The following OLFML1 variants were observed in gnomAD, a reference collection of about 807,000 sequenced individuals.
The protein encoded by OLFML1 is olfactomedin-like protein 1.
Under a neutral mutation model 37.3 loss-of-function variants are expected in OLFML1, and 33 were observed. The ratio of observed to expected loss-of-function variants is 0.88; its 90% CI spans 0.67 to 1.18. OLFML1 has a LOEUF of 1.18. Ranked by LOEUF, OLFML1 falls within the 50% of genes most tolerant of loss-of-function variation. The pLI, the probability that OLFML1 is intolerant of heterozygous loss-of-function variation, is 0.00. For missense variants in OLFML1, 545 were observed against 483.7 expected (o/e 1.13, Z -1.19); for synonymous variants, 186 against 181.3 (o/e 1.03, Z -0.21).
At chr11:7,495,383 G>A (rs190623414) in intron 2 of OLFML1, among the ~76,000 whole-genome samples, 58 of 151,964 alleles carry the variant, frequency 3.8e-4, no homozygotes, top group Admixed American at 2.3e-3. Context: ...CCTGACCCCC[G>A]CCAGCCTAGC....
Position 7,510,147 on chromosome 11 carries a change from A to C in OLFML1, c.1168A>C (p.Ile390Leu). Reference sequence around the variant, plus strand: ...TGCCTGGAATGAAGGAAACCAGATCATTTACAAACTCCAGACAAAGAGAAA... The same window carrying C: ...TGCCTGGAATGAAGGAAACCAGATCCTTTACAAACTCCAGACAAAGAGAAA... ...LYAWNEGNQI[I>L]YKLQTKRKLP... The change falls in exon 3 of 3, where the codon ATT (isoleucine) becomes CTT (leucine). Residue 390 changes from isoleucine (I) to leucine (L), a missense_variant. Transcript: ENST00000329293. 1 of 1,612,500 alleles carries C rather than the reference A, an allele frequency of 6.2e-7. No individual in the cohort carries two copies. Among genetic ancestry groups the C allele is most frequent in the Non-Finnish European group, 8.5e-7 (1 of 1,179,862 alleles).
At position 7,511,155 on chromosome 11, in the gene OLFML1, A is replaced by G. The variant is rs1217387700; in HGVS notation, c.*967A>G. ...TTCATCGTTTCAGCCTAAAAATAAT[A>G]GTCTGTCCCTTTAGCCAGTTTTCAT... is the stretch of plus-strand genomic sequence containing the variant. On this transcript the variant is annotated 3_prime_UTR_variant, in exon 3 of 3. Transcript: ENST00000329293. 6.6e-6 allele frequency: 1 copy of G among 152,260 alleles called. No homozygotes were observed. The highest frequency in any genetic ancestry group is 2.1e-4 in the South Asian group (1 of 4,832). 9.4% of individuals were successfully genotyped at this position (152,260 alleles called of 1,614,324 possible).
intron 2 of OLFML1, among the ~76,000 whole-genome samples, chr11:7,491,442 CA>C (rs1848596362): frequency 7.0e-6 from 1 of 142,460 alleles, no homozygotes; most frequent in Non-Finnish European, 1.5e-5. Flanking sequence ...GAAGAAATAA[CA>C]ATGGCAGAGG....
intron 2 of OLFML1, among the ~76,000 whole-genome samples, chr11:7,505,848 T>C (rs542659465): frequency 6.8e-6 from 1 of 146,254 alleles, no homozygotes; most frequent in East Asian, 2.0e-4. Context: ...TTAAAAAAAA[T>C]GTCCAAAATT....
intron 2 of OLFML1, among the ~76,000 whole-genome samples, chr11:7,495,794 G>A (rs771460023): frequency 1.3e-5 from 2 of 152,090 alleles, no homozygotes; most frequent in African/African-American, 2.4e-5. Context: ...AAGCTAGGTC[G>A]ACACTATTAC....
chr11:7,500,735 TA>T (rs530934162), intron 2 of OLFML1, among the ~76,000 whole-genome samples: 6 of 150,890 alleles, frequency 4.0e-5, no homozygotes, highest in Non-Finnish European at 4.4e-5. Flanking sequence ...TTTTTTTTTT[TA>T]AAAAGAATTA....
In OLFML1 at chr11:7,485,856, C is replaced by G. The variant is rs747296433; in HGVS notation, c.-20C>G. 3.1e-6 allele frequency: 5 copies of G among 1,611,312 alleles called. No homozygotes were observed. Among genetic ancestry groups the G allele is most frequent in the East Asian group, 2.2e-5 (1 of 44,880 alleles). On this transcript the variant is annotated 5_prime_UTR_variant, in exon 1 of 3. Transcript: ENST00000329293. Reference sequence around the variant, plus strand: ...GAAGAGCCACAGCATAAGAGACTGCCCTGCTTGGTGTTTTGCAGGATGATG... The same window carrying G: ...GAAGAGCCACAGCATAAGAGACTGCGCTGCTTGGTGTTTTGCAGGATGATG...
chr11:7,485,844 A>C lies in OLFML1; in HGVS notation c.-32A>C, dbSNP rs775855322. On this transcript the variant is annotated 5_prime_UTR_variant, in exon 1 of 3. Coordinates refer to ENST00000329293, the MANE Select transcript of OLFML1 (RefSeq NM_198474.4). ...AGACATCCTTGAGAAGAGCCACAGC[A>C]TAAGAGACTGCCCTGCTTGGTGTTT... 26 of 1,609,356 alleles carry C rather than the reference A, an allele frequency of 1.6e-5. No individual in the cohort carries two copies. Among genetic ancestry groups the C allele is most frequent in the Non-Finnish European group, 2.2e-5 (26 of 1,178,174 alleles).
rs1848833225 is a variant in OLFML1 at position 7,509,737 on chromosome 11, C to T, written c.758C>T (p.Pro253Leu). 6.2e-7 allele frequency: 1 copy of T among 1,614,246 alleles called. No individual in the cohort carries two copies. The highest frequency in any genetic ancestry group is 8.5e-7 in the Non-Finnish European group (1 of 1,180,040). The change falls in exon 3 of 3, where the codon CCA (proline) becomes CTA (leucine). Residue 253 changes from proline (P) to leucine (L), a missense_variant. Transcript: ENST00000329293. ...ACTGTGGAAGATCGAATGCTGCTCC[C>T]AGGAGGGGTAGGCCGAGCATTGGTT... ...KRTVEDRMLLPGGVGRALVYQ... is the reference protein window; with the variant it reads ...KRTVEDRMLLLGGVGRALVYQ...
At chr11:7,500,050 G>A (rs1038345237) in intron 2 of OLFML1, among the ~76,000 whole-genome samples, 2 of 151,976 alleles carry the variant, frequency 1.3e-5, no homozygotes, top group African/African-American at 4.8e-5. Flanking sequence ...GTGCCACCAA[G>A]CCCAACTAAT....
At chr11:7,491,610 T>C (rs1280300150) in intron 2 of OLFML1, among the ~76,000 whole-genome samples, 1 of 152,254 alleles carries the variant, frequency 6.6e-6, no homozygotes, top group Non-Finnish European at 1.5e-5. Context: ...GTATTGTATA[T>C]ATTATGCACA....
chr11:7,490,298 GCA>G (rs1426567675), intron 2 of OLFML1, among the ~76,000 whole-genome samples: 1 of 152,120 alleles, frequency 6.6e-6, no homozygotes, highest in Non-Finnish European at 1.5e-5. Flanking sequence ...CTGGCGGTAA[GCA>G]CAGAGTGAGG....
At chr11:7,497,311 TTTTA>T (rs1046106572) in intron 2 of OLFML1, among the ~76,000 whole-genome samples, 2 of 152,190 alleles carry the variant, frequency 1.3e-5, no homozygotes, top group African/African-American at 2.4e-5. Context: ...AAGCCCCTGC[TTTTA>T]TTTTTCTTTC....
intron 2 of OLFML1, among the ~76,000 whole-genome samples, chr11:7,496,122 T>C (rs1848660199): frequency 6.6e-6 from 1 of 152,214 alleles, no homozygotes; most frequent in African/African-American, 2.4e-5. Flanking sequence ...AACAGCTGGG[T>C]GAGGATGACT....
At position 7,489,668 on chromosome 11, in the gene OLFML1, T is replaced by A. The variant is rs545866761; in HGVS notation, c.418+1253T>A. Among the ~76,000 whole-genome samples, 53 of 152,250 alleles carry A rather than the reference T, an allele frequency of 3.5e-4. No homozygotes were observed. The South Asian group carries it at 0.01, about 29-fold the overall frequency. ...CAAGTAATAGTGTTGGCATTAAGTG[T>A]CATGGGACAGAGAACAGGTGGATTT... On this transcript the variant is annotated intron_variant, in intron 2 of 2. Transcript: ENST00000329293.
chr11:7,496,581 A>AG (rs1167600241), intron 2 of OLFML1, among the ~76,000 whole-genome samples: 1 of 152,218 alleles, frequency 6.6e-6, no homozygotes, highest in Non-Finnish European at 1.5e-5. Flanking sequence ...TGTACTTCAC[A>AG]GGAAGAATCC....
chr11:7,509,568 G>A lies in OLFML1; in HGVS notation c.589G>A (p.Glu197Lys). 1 of 1,614,226 alleles carries A rather than the reference G, an allele frequency of 6.2e-7. No individual in the cohort carries two copies. ...WEFANIRAFM[E>K]DNTKPAPRKQ... The stretch of plus-strand genomic sequence containing the variant: ...ATTTGCAAACATACGGGCATTCATG[G>A]AGGATAACACCAAGCCAGCTCCCCG... The change falls in exon 3 of 3, where the codon GAG becomes AAG. Residue 197 changes from glutamate (E) to lysine (K), a missense_variant. By Grantham distance (56) the Glu-to-Lys change is moderately conservative (BLOSUM62 1). Transcript: ENST00000329293.
Position 7,488,376 on chromosome 11 carries a change from G to T in OLFML1, c.379G>T (p.Ala127Ser), listed in dbSNP as rs761978309. 1.1e-5 allele frequency: 18 copies of T among 1,613,986 alleles called. No homozygotes were observed. The South Asian group carries it at 2.0e-4, about 18-fold the overall frequency. ...KTLAEMLLQE[A>S]EEEKKIRTLL... ...ACTGGCAGAAATGTTGCTCCAAGAA[G>T]CTGAAGAAGAGAAAAAGATCCGGAC... The change falls in exon 2 of 3, where the codon GCT (alanine) becomes TCT (serine). Residue 127 changes from alanine (A) to serine (S), a missense_variant. Transcript: ENST00000329293.
rs202237467 is a variant in OLFML1 at position 7,485,891 on chromosome 11, C to G, written c.16C>G (p.Arg6Gly). The change falls in exon 1 of 3, where the codon CGA (arginine) becomes GGA (glycine). Residue 6 changes from arginine to glycine, a missense_variant. Coordinates refer to ENST00000329293, the MANE Select transcript of OLFML1 (RefSeq NM_198474.4). ...GTTTTGCAGGATGATGGTGGCCCTT[C>G]GAGGAGCTTCTGCATTGCTGGTTCT... is the stretch of plus-strand genomic sequence containing the variant. MMVAL[R>G]GASALLVLFL... The G allele has an allele frequency of 6.2e-7, 1 of 1,613,458 alleles. No individual in the cohort carries two copies. Among genetic ancestry groups the G allele is most frequent in the South Asian group, 1.1e-5 (1 of 91,038 alleles).
Sources: gnomAD v4.1 joint callset for allele counts (sites outside exome capture counted in the v4.1 genomes callset) on GRCh38, gnomAD v4.1.1 for gene constraint, MANE v1.5 for transcripts, NCBI Gene and HGNC (gene_info 2026-07-23, HGNC 2026-07-21) for gene names.